ZFP64: variants seen among roughly 807,000 people sequenced by gnomAD.
ZFP64 encodes the protein ZFP64 zinc finger protein.
Under a neutral mutation model 51.6 loss-of-function variants are expected in ZFP64, and 14 were observed. The ratio of observed to expected loss-of-function variants is 0.27; its 90% CI spans 0.18 to 0.42. The LOEUF (loss-of-function observed/expected upper bound fraction) is 0.42, where lower values mean the gene tolerates loss of function less well. ZFP64 is among the 10% of genes least tolerant of loss of function. The pLI is 1.00. For synonymous variants in ZFP64, 375 were observed against 361.4 expected, an observed-to-expected ratio of 1.04 and a Z score of -0.43; for missense variants, 754 against 906.8, an observed-to-expected ratio of 0.83 and a Z score of 2.16.
intron 5 of ZFP64, among the ~76,000 whole-genome samples, chr20:52,102,764 G>A (rs1178579500): frequency 6.6e-6 from 1 of 152,138 alleles, no homozygotes; most frequent in Non-Finnish European, 1.5e-5. Context: ...CAACTTCCCC[G>A]TTCCTCAGTT....
intron 7 of ZFP64, among the ~76,000 whole-genome samples, chr20:52,091,255 T>A (rs1034650776): frequency 6.6e-6 from 1 of 150,884 alleles, no homozygotes; most frequent in East Asian, 2.0e-4. Flanking sequence ...CCCAGCACAC[T>A]GGGAGGCCAA....
Position 52,186,948 on chromosome 20 carries a change from G to A in ZFP64, c.170C>T (p.Thr57Ile), listed in dbSNP as rs201777328. ...VAHKQSGCQLTGTSAAAPSTV... is the reference protein window; with the variant it reads ...VAHKQSGCQLIGTSAAAPSTV... Reference sequence around the variant, plus strand: ...GCTGGGGGCTGCTGCGGATGTGCCTGTCAGCTGGCAGCCACTTTGCTTGTG... The same window carrying A: ...GCTGGGGGCTGCTGCGGATGTGCCTATCAGCTGGCAGCCACTTTGCTTGTG... The change falls in exon 2 of 6, where the codon ACA (threonine) becomes ATA (isoleucine). Residue 57 changes from threonine to isoleucine, a missense_variant. Thr to Ile is a moderately conservative substitution (Grantham distance 89). This residue lies in a region of ZFP64 where 95 missense variants were observed against 97.7 expected (regional missense o/e 0.97). Transcript: ENST00000216923. The A allele has an allele frequency of 1.8e-5, 29 of 1,614,142 alleles. No homozygotes were observed. In the African/African-American group the frequency reaches 3.2e-4, roughly 18 times the overall value.
In ZFP64 at chr20:52,105,105, G is replaced by A. The variant is rs538482281; in HGVS notation, c.764-6518C>T. 7.9e-6 allele frequency: 11 copies of A among 1,397,180 alleles called. No homozygotes were observed. In the Middle Eastern group the frequency reaches 6.8e-4, roughly 87 times the overall value. The allele number at this position is 1,397,180 out of a possible 1,614,324, so 86.5% of individuals were successfully genotyped here. A position where few individuals can be genotyped will look rare whatever the true frequency, so the allele number is the denominator to read the frequency against. Reference sequence around the variant, plus strand: ...CTCTGAGCACCGGCCCCCAGCCCCCGGGCGGGGCTCCAGCGGCGCTACTCA... The same window carrying A: ...CTCTGAGCACCGGCCCCCAGCCCCCAGGCGGGGCTCCAGCGGCGCTACTCA... On this transcript the variant is annotated intron_variant, in intron 5 of 8. Coordinates refer to the ZFP64 transcript ENST00000361387.
Position 52,191,621 on chromosome 20 carries a change from C to G in ZFP64, c.16G>C (p.Glu6Gln), listed in dbSNP as rs965418484. Residue 6 changes from glutamate to glutamine, a missense_variant, in exon 1 of 6, where the codon GAG becomes CAG. Physicochemically the swap from Glu to Gln is conservative, Grantham distance 29. Around this residue, in one of 3 missense-constraint regions of ZFP64, gnomAD observed 95 missense variants for 97.7 expected, o/e 0.97. Transcript: ENST00000216923. The surrounding 1 kb of genome is among the most constrained non-coding windows in gnomAD (Gnocchi z 4.3). Reference protein sequence around the residue: MNASSEGESFAGSVQI... With the variant: MNASSQGESFAGSVQI... ...ACCGAGCCCGCGAAGCTCTCGCCCTCGCTGCTCGCGTTCATGGCCGCAGAC... is the reference window on the plus strand; with the variant it reads ...ACCGAGCCCGCGAAGCTCTCGCCCTGGCTGCTCGCGTTCATGGCCGCAGAC... The G allele has an allele frequency of 3.1e-6, 5 of 1,588,958 alleles. No homozygotes were observed. The African/African-American group carries it at 5.5e-5, about 17-fold the overall frequency.
At chr20:52,104,556 C>T in intron 5 of ZFP64, 2 of 377,032 alleles carry the variant, frequency 5.3e-6, no homozygotes, top group Non-Finnish European at 1.1e-5. Context: ...CCCATCACCT[C>T]TCGGGCCTCC....
At chr20:52,189,200 A>G (rs1052385674) in intron 1 of ZFP64, among the ~76,000 whole-genome samples, 1 of 152,028 alleles carries the variant, frequency 6.6e-6, no homozygotes, top group Non-Finnish European at 1.5e-5. Flanking sequence ...GATCAAGACT[A>G]TCCTGGCGAA....
At chr20:52,090,113 A>C (rs575349966) in intron 7 of ZFP64, among the ~76,000 whole-genome samples, 3 of 152,344 alleles carry the variant, frequency 2.0e-5, no homozygotes, top group Non-Finnish European at 4.4e-5. Flanking sequence ...ACTGAGAAGA[A>C]TTATTTCCCA....
chr20:52,089,172 C>A (rs1005453687), intron 7 of ZFP64: 1 of 373,240 alleles, frequency 2.7e-6, no homozygotes, highest in South Asian at 2.0e-5. Flanking sequence ...TTCATCACTA[C>A]CCCCTAGCCC....
chr20:52,099,423 AGTT>A lies in ZFP64; in HGVS notation c.764-839_764-837del, dbSNP rs2079027660. ...ACATCACTGATCTCCAGGATAAAAC[AGTT>A]GTTTCAACAAATAACTTGAAAGAAG... On this transcript the variant is annotated intron_variant, in intron 5 of 8. Coordinates refer to the ZFP64 transcript ENST00000361387. Among the ~76,000 whole-genome samples the A allele has an allele frequency of 3.3e-5, 5 of 152,322 alleles. No homozygotes were observed. In the South Asian group the frequency reaches 1.0e-3, roughly 32 times the overall value.
At chr20:52,114,824 CA>C (rs547724555) in intron 5 of ZFP64, among the ~76,000 whole-genome samples, 3 of 149,644 alleles carry the variant, frequency 2.0e-5, no homozygotes, top group Non-Finnish European at 3.0e-5. Flanking sequence ...ATTGTTGTAG[CA>C]AAAAAAAATG....
intron 2 of ZFP64, among the ~76,000 whole-genome samples, chr20:52,184,357 G>A (rs1206237632): frequency 6.6e-6 from 1 of 152,150 alleles, no homozygotes; most frequent in East Asian, 1.9e-4. Context: ...ACTTTTGGAT[G>A]AGGCATGTGT....
At chr20:52,139,503 G>C (rs577432422) in intron 5 of ZFP64, among the ~76,000 whole-genome samples, 8 of 152,252 alleles carry the variant, frequency 5.3e-5, no homozygotes, top group Non-Finnish European at 1.0e-4. Context: ...TCTACTTGAA[G>C]ATGGAGGGTG....
In ZFP64 at chr20:52,191,659, G is replaced by T; in HGVS notation, c.-23C>A. 2 of 1,575,144 alleles carry T rather than the reference G, an allele frequency of 1.3e-6. No individual in the cohort carries two copies. The highest frequency in any genetic ancestry group is 1.7e-6 in the Non-Finnish European group (2 of 1,164,448). On this transcript the variant is annotated 5_prime_UTR_variant, in exon 1 of 6. Coordinates refer to ENST00000216923, the MANE Select transcript of ZFP64 (RefSeq NM_018197.3). This position sits in a 1 kb window ranked among gnomAD's most constrained non-coding sequence, Gnocchi z 4.3. Reference sequence around the variant, plus strand: ...CATGGCCGCAGACTGGGAGGTCCCCGGCCGGCCGGGATGCCAAAGTGGGGG... The same window carrying T: ...CATGGCCGCAGACTGGGAGGTCCCCTGCCGGCCGGGATGCCAAAGTGGGGG...
rs1178286677 is a variant in ZFP64, at chr20:52,085,082, G to C, written c.1413C>G (p.His471Gln). 1.9e-6 allele frequency: 3 copies of C among 1,614,140 alleles called. No individual in the cohort carries two copies. Among genetic ancestry groups the C allele is most frequent in the African/African-American group, 2.7e-5 (2 of 74,952 alleles). Residue 471 changes from histidine to glutamine, a missense_variant, in exon 9 of 9, where the codon CAC (histidine) becomes CAG (glutamine). Physicochemically the swap from His to Gln is conservative, Grantham distance 24. Transcript: ENST00000361387. The surrounding 1 kb of genome is among the most constrained non-coding windows in gnomAD (Gnocchi z 4.3). ...CCCGGTCCCGGCCCTGGAAGGCACAGTGCAGACATTTGAAGGTGTGCTTGA... is the reference window on the plus strand; with the variant it reads ...CCCGGTCCCGGCCCTGGAAGGCACACTGCAGACATTTGAAGGTGTGCTTGA...
At chr20:52,155,094 T>C (rs1327249377) in intron 5 of ZFP64, among the ~76,000 whole-genome samples, 2 of 152,190 alleles carry the variant, frequency 1.3e-5, no homozygotes, top group Admixed American at 1.3e-4. Context: ...AAATAGTTAT[T>C]ACAGAGAAAA....
intron 3 of ZFP64, 123 bp from the exon 4 acceptor site, chr20:52,164,880 G>C: frequency 5.1e-6 from 4 of 786,434 alleles, no homozygotes; most frequent in Non-Finnish European, 6.5e-6. Context: ...GGGAAAAAGA[G>C]ATCTCATGTG....
chr20:52,161,540 A>G (rs1449732002), intron 4 of ZFP64, among the ~76,000 whole-genome samples: 1 of 145,002 alleles, frequency 6.9e-6, no homozygotes, highest in Non-Finnish European at 1.5e-5. Flanking sequence ...CACCTGTTTC[A>G]TATCATTACA....
intron 5 of ZFP64, chr20:52,110,460 A>T (rs372153859): frequency 1.2e-5 from 8 of 654,408 alleles, no homozygotes; most frequent in Non-Finnish European, 1.9e-5. Flanking sequence ...CTGGAGATCC[A>T]TGTCATCTCT....
intron 5 of ZFP64, among the ~76,000 whole-genome samples, chr20:52,102,005 A>G (rs2079056407): frequency 1.3e-5 from 2 of 149,502 alleles, no homozygotes; most frequent in Non-Finnish European, 1.5e-5. Context: ...CCAGCTACTC[A>G]GGAGACTGAG....
Sources: gnomAD v4.1 joint callset for allele counts (sites outside exome capture counted in the v4.1 genomes callset) on GRCh38, gnomAD v4.1.1 for gene constraint, gnomAD v4.1.1 regional missense constraint, Gnocchi (gnomAD v3.1) non-coding constraint, MANE v1.5 for transcripts, NCBI Gene and HGNC (gene_info 2026-07-23, HGNC 2026-07-21) for gene names.